The following PPP1R9A variants were observed in gnomAD, a reference collection of about 807,000 sequenced individuals.
The protein encoded by PPP1R9A is neurabin-1.
In PPP1R9A, 59 loss-of-function variants were observed where a neutral mutation model predicts 141.9. That is an observed-to-expected ratio of 0.42 (90% CI 0.34 to 0.52). PPP1R9A has a LOEUF of 0.52. Ranked by LOEUF, PPP1R9A falls within the 20% of genes least tolerant of loss-of-function variation. The pLI, the probability that PPP1R9A is intolerant of heterozygous loss-of-function variation, is 0.10. For synonymous variants in PPP1R9A, 500 were observed against 569.7 expected (o/e 0.88, Z 1.74); for missense variants, 1,444 against 1,611.9 (o/e 0.90, Z 1.78).
chr7:95,180,996 C>T (rs1833660059), intron 5 of PPP1R9A, among the ~76,000 whole-genome samples: 2 of 151,634 alleles, frequency 1.3e-5, no homozygotes, highest in Admixed American at 6.6e-5. Flanking sequence ...GTAGAACTAC[C>T]ATGTGATCCA....
At chr7:95,258,932 T>C (rs1017318207) in intron 12 of PPP1R9A, among the ~76,000 whole-genome samples, 1 of 152,200 alleles carries the variant, frequency 6.6e-6, no homozygotes, top group Admixed American at 6.6e-5. Context: ...TACTTCGATG[T>C]GTATATATAT....
chr7:95,087,154 C>A (rs1315989863), intron 2 of PPP1R9A, among the ~76,000 whole-genome samples: 1 of 151,994 alleles, frequency 6.6e-6, no homozygotes, highest in African/African-American at 2.4e-5. Context: ...ACCTAACACA[C>A]TTAGTGTAGT....
intron 2 of PPP1R9A, among the ~76,000 whole-genome samples, chr7:95,079,364 A>G (rs957642463): frequency 6.6e-6 from 1 of 152,176 alleles, no homozygotes; most frequent in African/African-American, 2.4e-5. Context: ...TACCAGTACC[A>G]TGCTGTTTTG....
chr7:95,194,991 G>A (rs755357119), intron 5 of PPP1R9A, among the ~76,000 whole-genome samples: 2 of 151,860 alleles, frequency 1.3e-5, no homozygotes, highest in East Asian at 3.9e-4. Flanking sequence ...GAATTGCAGA[G>A]GAAAAACAAT....
chr7:95,156,805 A>G (rs1829685649), intron 4 of PPP1R9A: 1 of 152,208 alleles, frequency 6.6e-6, no homozygotes, highest in Non-Finnish European at 1.5e-5. Flanking sequence ...TGAAGCTCTC[A>G]GCAGAGAAGA....
At chr7:94,948,923 T>TG (rs1190117907) in intron 2 of PPP1R9A, among the ~76,000 whole-genome samples, 12 of 152,094 alleles carry the variant, frequency 7.9e-5, no homozygotes, top group Non-Finnish European at 1.8e-4. Flanking sequence ...GCCAAAACCC[T>TG]GGGGCTAACT....
In PPP1R9A at chr7:95,189,433, C is replaced by CTTTTT. The variant is rs1195484637; in HGVS notation, c.1755-8899_1755-8895dup. On this transcript the variant is annotated intron_variant, in intron 5 of 19. Coordinates refer to ENST00000433360, the MANE Select transcript of PPP1R9A (RefSeq NM_001166160.2). ...AAATTTTTTGGAGGGTTTGTTTATTCTTTTTTTTTTTTTTTTTTTTTGAGA... is the reference window on the plus strand; with the variant it reads ...AAATTTTTTGGAGGGTTTGTTTATTCTTTTTTTTTTTTTTTTTTTTTTTTTTGAGA... Among the ~76,000 whole-genome samples, 36 of 116,182 alleles carry CTTTTT rather than the reference C, an allele frequency of 3.1e-4. 1 individual carries two copies. Among genetic ancestry groups the CTTTTT allele is most frequent in the African/African-American group, 5.7e-4 (16 of 28,198 alleles). The allele number at this position is 116,182 out of a possible 152,430, so 76.2% of individuals were successfully genotyped here. A position where few individuals can be genotyped will look rare whatever the true frequency, so the allele number is the denominator to read the frequency against.
intron 2 of PPP1R9A, among the ~76,000 whole-genome samples, chr7:95,072,293 A>G (rs1010608995): frequency 6.9e-6 from 1 of 145,212 alleles, no homozygotes; most frequent in African/African-American, 2.5e-5. Context: ...TATATATTAT[A>G]AAAATTAATA....
At chr7:95,121,912 G>A (rs959620550) in intron 4 of PPP1R9A, among the ~76,000 whole-genome samples, 5 of 152,244 alleles carry the variant, frequency 3.3e-5, no homozygotes, top group South Asian at 2.1e-4. Context: ...ACACTGTTGC[G>A]TTAAGGATCG....
At chr7:94,989,921 T>C (rs984479908) in intron 2 of PPP1R9A, among the ~76,000 whole-genome samples, 4 of 152,052 alleles carry the variant, frequency 2.6e-5, no homozygotes, top group African/African-American at 7.2e-5. Flanking sequence ...TGTGAAGTTT[T>C]TGAACATAAT....
At chr7:95,083,706 C>G (rs1466056155) in intron 2 of PPP1R9A, among the ~76,000 whole-genome samples, 2 of 151,920 alleles carry the variant, frequency 1.3e-5, no homozygotes, top group African/African-American at 4.9e-5. Flanking sequence ...AGTCTCTAAA[C>G]AAACAATCTC....
chr7:95,194,711 T>C (rs977267894), intron 5 of PPP1R9A, among the ~76,000 whole-genome samples: 3 of 135,142 alleles, frequency 2.2e-5, no homozygotes, highest in Non-Finnish European at 3.1e-5. Context: ...CAGTATCACT[T>C]ACAATACCAA....
At chr7:95,045,438 A>T (rs980839584) in intron 2 of PPP1R9A, among the ~76,000 whole-genome samples, 9 of 152,156 alleles carry the variant, frequency 5.9e-5, no homozygotes, top group African/African-American at 1.9e-4. Flanking sequence ...TGGCCTGCTA[A>T]CCCTTGGGAG....
chr7:95,282,204 G>C (rs540344387), intron 16 of PPP1R9A, among the ~76,000 whole-genome samples: 1 of 135,116 alleles, frequency 7.4e-6, no homozygotes, highest in East Asian at 2.2e-4. Context: ...GGTGGCACAC[G>C]CCTATAAGTC....
chr7:95,077,976 GTT>G (rs371101650), intron 2 of PPP1R9A, among the ~76,000 whole-genome samples: 3 of 139,630 alleles, frequency 2.1e-5, no homozygotes, highest in South Asian at 2.2e-4. Context: ...CTTCTACTCT[GTT>G]TTTTTTTTTT....
chr7:95,051,706 A>G (rs572586419), intron 2 of PPP1R9A, among the ~76,000 whole-genome samples: 30 of 152,334 alleles, frequency 2.0e-4, no homozygotes, highest in African/African-American at 7.2e-4. Flanking sequence ...GAGTTAGAAG[A>G]TAAAACTGGA....
chr7:95,129,753 G>C (rs948360702), intron 4 of PPP1R9A, among the ~76,000 whole-genome samples: 1 of 152,226 alleles, frequency 6.6e-6, no homozygotes, highest in Admixed American at 6.5e-5. Context: ...AGAGGAACTT[G>C]TTGGGAACTG....
At chr7:94,959,393 T>C (rs2151105911) in intron 2 of PPP1R9A, among the ~76,000 whole-genome samples, 1 of 151,874 alleles carries the variant, frequency 6.6e-6, no homozygotes, top group East Asian at 1.9e-4. Context: ...CCTAGTTTTA[T>C]CTTTGGCTTC....
chr7:95,216,974 G>A (rs993251622), intron 7 of PPP1R9A, among the ~76,000 whole-genome samples: 2 of 152,224 alleles, frequency 1.3e-5, no homozygotes, highest in Admixed American at 6.5e-5. Flanking sequence ...TCTCCTGCCT[G>A]ATTGCCCTGG....
Sources: gnomAD v4.1 joint callset for allele counts (sites outside exome capture counted in the v4.1 genomes callset) on GRCh38, gnomAD v4.1.1 for gene constraint, MANE v1.5 for transcripts, NCBI Gene and HGNC (gene_info 2026-07-23, HGNC 2026-07-21) for gene names.